AXDND1: variants seen among roughly 807,000 people sequenced by gnomAD.
AXDND1 encodes axonemal dynein light chain domain-containing protein 1.
Under a neutral mutation model 137.5 loss-of-function variants are expected in AXDND1, and 110 were observed. The ratio of observed to expected loss-of-function variants is 0.80; its 90% CI spans 0.69 to 0.94. The LOEUF (loss-of-function observed/expected upper bound fraction) is 0.94, where lower values mean the gene tolerates loss of function less well. AXDND1 is among the 40% of genes least tolerant of loss of function. The probability of loss-of-function intolerance (pLI) is 0.00; values close to 1 mark genes in which losing one functional copy is unlikely to be tolerated. For synonymous variants in AXDND1, 414 were observed against 399.7 expected (o/e 1.04, Z -0.43); for missense variants, 1,191 against 1,169.8 (o/e 1.02, Z -0.26).
chr1:179,540,649 C>A (rs936653857), intron 25 of AXDND1, among the ~76,000 whole-genome samples: 1 of 152,206 alleles, frequency 6.6e-6, no homozygotes, highest in Non-Finnish European at 1.5e-5. Flanking sequence ...GGAGGTATCT[C>A]CCAGTCAGGC....
chr1:179,440,548 A>G (rs958954300), intron 15 of AXDND1, among the ~76,000 whole-genome samples: 2 of 152,256 alleles, frequency 1.3e-5, no homozygotes, highest in South Asian at 2.1e-4. Flanking sequence ...GGCTTGTATT[A>G]TAGCCCTAGC....
At chr1:179,463,128 C>T (rs1194802595) in intron 16 of AXDND1, among the ~76,000 whole-genome samples, 1 of 152,148 alleles carries the variant, frequency 6.6e-6, no homozygotes, top group East Asian at 1.9e-4. Flanking sequence ...CTCAGTTCTG[C>T]TCTGATGTTA....
intron 12 of AXDND1, among the ~76,000 whole-genome samples, chr1:179,413,901 ATC>A: frequency 6.6e-6 from 1 of 150,552 alleles, no homozygotes; most frequent in Non-Finnish European, 1.5e-5. Context: ...CCTCGTCAAC[ATC>A]TGTTTTTTTT....
rs557455556 is a variant in AXDND1, at chr1:179,471,960, C to T, written c.1997+3319C>T. ...CCCAGACTGGAGTGCAGTGGCATGA[C>T]CTCAGCTCACTGCAACCTCCGCCTC... is the stretch of plus-strand genomic sequence containing the variant. On this transcript the variant is annotated intron_variant, in intron 17 of 25. Transcript: ENST00000367618. 1.3e-4 allele frequency among the ~76,000 whole-genome samples: 20 copies of T among 151,662 alleles called. 1 individual carries two copies. The South Asian group carries it at 4.0e-3, about 30-fold the overall frequency.
chr1:179,554,330 T>C (rs532870059), intron 25 of AXDND1, 182 bp from the exon 26 acceptor site: 1 of 848,748 alleles, frequency 1.2e-6, no homozygotes, highest in East Asian at 2.6e-5. Context: ...CTGTAAGATA[T>C]TAGGTGATTT....
At chr1:179,479,432 G>A (rs1415682993) in intron 17 of AXDND1, among the ~76,000 whole-genome samples, 2 of 141,950 alleles carry the variant, frequency 1.4e-5, no homozygotes, top group Non-Finnish European at 3.0e-5. Flanking sequence ...CTGAGACTAT[G>A]CCATTGCACT....
chr1:179,496,918 T>G (rs1002433855), intron 20 of AXDND1, among the ~76,000 whole-genome samples: 3 of 152,136 alleles, frequency 2.0e-5, no homozygotes, highest in Non-Finnish European at 4.4e-5. Flanking sequence ...CCATTTAAAA[T>G]ACATTTTAAT....
In AXDND1 at chr1:179,383,455, A is replaced by C; in HGVS notation, c.652A>C (p.Arg218=). ...TTAATTTTTTAGGAAACCTAATAAA[A>C]GAGTAGAAGTGGCCCAGCTGAATGA... ...LLFPSMKPNK[R]VEVAQLNDVM... Residue 218 remains arginine, a synonymous_variant, in exon 8 of 26, where the codon AGA becomes CGA. Coordinates refer to ENST00000367618, the MANE Select transcript of AXDND1 (RefSeq NM_144696.6). 1.2e-6 allele frequency: 2 copies of C among 1,613,596 alleles called. No individual in the cohort carries two copies. Among genetic ancestry groups the C allele is most frequent in the South Asian group, 2.2e-5 (2 of 91,048 alleles).
chr1:179,434,835 T>C (rs1307423625), intron 15 of AXDND1, among the ~76,000 whole-genome samples: 3 of 152,170 alleles, frequency 2.0e-5, no homozygotes, highest in Admixed American at 6.5e-5. Flanking sequence ...TTGGAAGTTC[T>C]GGCCAGGACA....
At chr1:179,437,289 C>T (rs1044258289) in intron 15 of AXDND1, among the ~76,000 whole-genome samples, 16 of 152,004 alleles carry the variant, frequency 1.1e-4, no homozygotes, top group South Asian at 4.2e-4. Flanking sequence ...AAAGAGATAG[C>T]GAGAAAGGGG....
chr1:179,417,806 T>C (rs924597837), intron 12 of AXDND1, among the ~76,000 whole-genome samples: 1 of 152,110 alleles, frequency 6.6e-6, no homozygotes, highest in Non-Finnish European at 1.5e-5. Flanking sequence ...CTTTGGGTAG[T>C]ATTGCCATTT....
chr1:179,424,114 G>A (rs1364226228), intron 12 of AXDND1, among the ~76,000 whole-genome samples: 2 of 150,990 alleles, frequency 1.3e-5, no homozygotes, highest in Non-Finnish European at 3.0e-5. Flanking sequence ...GCTGGATATA[G>A]TACTCTTGGA....
Position 179,371,813 on chromosome 1 carries a change from G to T in AXDND1, c.374+1735G>T, listed in dbSNP as rs551203123. Reference sequence around the variant, plus strand: ...GGAAGGGGAAAAGCAGCCAAGAAATGAATTTGGCTACTAGAAGTTAGGAAT... The same window carrying T: ...GGAAGGGGAAAAGCAGCCAAGAAATTAATTTGGCTACTAGAAGTTAGGAAT... On this transcript the variant is annotated intron_variant, in intron 4 of 25. Transcript: ENST00000367618. Among the ~76,000 whole-genome samples the T allele has an allele frequency of 1.2e-4, 18 of 152,322 alleles. No homozygotes were observed. In the South Asian group the frequency reaches 2.9e-3, roughly 25 times the overall value.
intron 12 of AXDND1, among the ~76,000 whole-genome samples, chr1:179,417,314 A>G (rs1367296358): frequency 6.6e-6 from 1 of 150,396 alleles, no homozygotes; most frequent in African/African-American, 2.5e-5. Context: ...CACTTTGTTG[A>G]TTGTTTCCTT....
At chr1:179,497,921 A>G (rs1667614246) in intron 20 of AXDND1, among the ~76,000 whole-genome samples, 1 of 152,156 alleles carries the variant, frequency 6.6e-6, no homozygotes, top group African/African-American at 2.4e-5. Context: ...AGCCACAAGA[A>G]AATCAAATAC....
chr1:179,387,302 G>A (rs1649376648), intron 9 of AXDND1, among the ~76,000 whole-genome samples: 1 of 152,132 alleles, frequency 6.6e-6, no homozygotes, highest in South Asian at 2.1e-4. Flanking sequence ...GCCATCATCT[G>A]GTGAGAACCT....
intron 12 of AXDND1, among the ~76,000 whole-genome samples, chr1:179,414,070 GATAA>G (rs1252532400): frequency 2.6e-5 from 4 of 151,646 alleles, no homozygotes; most frequent in African/African-American, 9.7e-5. Flanking sequence ...CTGAATATAA[GATAA>G]ATATACAATT....
chr1:179,483,051 CTCTT>C, intron 17 of AXDND1, 73 bp from the exon 18 acceptor site: 1 of 969,160 alleles, frequency 1.0e-6, no homozygotes, highest in Non-Finnish European at 1.5e-6. Flanking sequence ...CCAAATAAAA[CTCTT>C]TCTCATAGCT....
chr1:179,375,952 C>A (rs189475377), intron 4 of AXDND1, among the ~76,000 whole-genome samples: 1 of 152,190 alleles, frequency 6.6e-6, no homozygotes. Flanking sequence ...ATTTCAGGAT[C>A]TTCCTGGGAC....
Sources: gnomAD v4.1 joint callset for allele counts (sites outside exome capture counted in the v4.1 genomes callset) on GRCh38, gnomAD v4.1.1 for gene constraint, MANE v1.5 for transcripts, NCBI Gene and HGNC (gene_info 2026-07-23, HGNC 2026-07-21) for gene names.